The following IGF2R variants were observed in gnomAD, a reference collection of about 807,000 sequenced individuals.
IGF2R encodes the protein cation-independent mannose-6-phosphate receptor.
In IGF2R, 91 loss-of-function variants were observed where a neutral mutation model predicts 270.6. That is an observed-to-expected ratio of 0.34 (90% confidence interval 0.28 to 0.40). The LOEUF is 0.40. Among genes scored for constraint, IGF2R ranks in the 10% least tolerant of loss-of-function variants. IGF2R has a pLI of 1.00. For synonymous variants in IGF2R, 1,316 were observed against 1,258.9 expected, an observed-to-expected ratio of 1.05 and a Z score of -0.96; for missense variants, 2,805 against 3,188.3, an observed-to-expected ratio of 0.88 and a Z score of 2.90.
chr6:160,085,724 C>T (rs189077146), intron 41 of IGF2R, among the ~76,000 whole-genome samples: 172 of 152,272 alleles, frequency 1.1e-3, no homozygotes, highest in Non-Finnish European at 2.0e-3. Flanking sequence ...TGGGGTTTCC[C>T]GAGTTGTCCT....
rs2115251165 is a variant in IGF2R at position 160,050,217 on chromosome 6, A to G, written c.2515-256A>G. On this transcript the variant is annotated intron_variant, in intron 18 of 47. Transcript: ENST00000356956. The surrounding 1 kb of genome is among the most constrained non-coding windows in gnomAD (Gnocchi z 4.0). ...GGGGATGTGACTAGTATCTAGTGCT[A>G]TGTGACTTTCAGTTACAGGCCAGCA... Among the ~76,000 whole-genome samples the G allele has an allele frequency of 6.6e-6, 1 of 152,300 alleles. No individual in the cohort carries two copies. Among genetic ancestry groups the G allele is most frequent in the Non-Finnish European group, 1.5e-5 (1 of 68,030 alleles).
chr6:160,066,370 G>A (rs753661169), intron 29 of IGF2R, among the ~76,000 whole-genome samples: 33 of 152,088 alleles, frequency 2.2e-4, no homozygotes, highest in Non-Finnish European at 4.1e-4. Flanking sequence ...GGCTGGTCTT[G>A]AACTGCTGAC....
intron 45 of IGF2R, among the ~76,000 whole-genome samples, chr6:160,101,472 T>C (rs1480662066): frequency 6.6e-6 from 1 of 152,190 alleles, no homozygotes; most frequent in African/African-American, 2.4e-5. Flanking sequence ...TGGTTTCTTG[T>C]CTTGCTGATG....
chr6:160,042,997 C>A, intron 11 of IGF2R, 151 bp from the exon 12 acceptor site: 1 of 724,096 alleles, frequency 1.4e-6, no homozygotes, highest in Non-Finnish European at 2.2e-6. Flanking sequence ...TGCTTTCAGT[C>A]TGCCCGGGTT....
At chr6:160,049,004 C>T (rs1778134359) in intron 18 of IGF2R, among the ~76,000 whole-genome samples, 1 of 152,170 alleles carries the variant, frequency 6.6e-6, no homozygotes, top group Admixed American at 6.5e-5. Context: ...CAGTCACCGC[C>T]AGAACATTTA....
intron 1 of IGF2R, among the ~76,000 whole-genome samples, chr6:159,972,591 G>A (rs1562327839): frequency 6.6e-6 from 1 of 152,122 alleles, no homozygotes; most frequent in Non-Finnish European, 1.5e-5. Context: ...ATCTGCAGTC[G>A]CTTAGACCCA....
chr6:160,050,449 C>T lies in IGF2R; in HGVS notation c.2515-24C>T, dbSNP rs899004927. ...CGACTGTATCTTCAGGGGGAAAAGC[C>T]TAACAAGACTGGTTTTCTTGCAGGG... On this transcript the variant is annotated intron_variant, in intron 18 of 47. Coordinates refer to ENST00000356956, the MANE Select transcript of IGF2R (RefSeq NM_000876.4). The surrounding 1 kb of genome is among the most constrained non-coding windows in gnomAD (Gnocchi z 4.0). 5.0e-6 allele frequency: 8 copies of T among 1,595,224 alleles called. No individual in the cohort carries two copies. The highest frequency in any genetic ancestry group is 6.9e-6 in the Non-Finnish European group (8 of 1,166,046).
chr6:160,034,792 T>C (rs1256122331), intron 10 of IGF2R, among the ~76,000 whole-genome samples: 1 of 152,188 alleles, frequency 6.6e-6, no homozygotes, highest in African/African-American at 2.4e-5. Context: ...AATGAGCTTG[T>C]TGGGAAAGTT....
chr6:160,012,304 A>G (rs1234285503), intron 4 of IGF2R, among the ~76,000 whole-genome samples: 1 of 152,142 alleles, frequency 6.6e-6, no homozygotes, highest in Non-Finnish European at 1.5e-5. Context: ...TTTGGGGGTG[A>G]GGGTGGGAGC....
chr6:160,076,083 A>G, intron 36 of IGF2R, 87 bp downstream of exon 36: 1 of 1,269,616 alleles, frequency 7.9e-7, no homozygotes, highest in Non-Finnish European at 1.1e-6. Context: ...GTCAGGTCCA[A>G]GGATACTCTT....
At position 160,061,948 on chromosome 6, in the gene IGF2R, A is replaced by G. The variant is rs752772006; in HGVS notation, c.3582+20A>G. 99 of 1,610,034 alleles carry G rather than the reference A, an allele frequency of 6.1e-5. No homozygotes were observed. Among genetic ancestry groups the G allele is most frequent in the Admixed American group, 1.3e-4 (8 of 59,948 alleles). ...ATATCGGTGTGTGTTCAGACCAGCA[A>G]TGAGATGTTGTCCCCGGGTGACTCC... On this transcript the variant is annotated intron_variant, in intron 25 of 47. Coordinates refer to ENST00000356956, the MANE Select transcript of IGF2R (RefSeq NM_000876.4).
intron 28 of IGF2R, 82 bp from the exon 29 acceptor site, chr6:160,064,722 A>G: frequency 1.7e-6 from 2 of 1,150,920 alleles, no homozygotes; most frequent in Non-Finnish European, 2.6e-6. Flanking sequence ...ACCATTCTTT[A>G]CTATTTTCAT....
At chr6:160,022,640 G>A (rs1347385182) in intron 4 of IGF2R, among the ~76,000 whole-genome samples, 4 of 152,194 alleles carry the variant, frequency 2.6e-5, no homozygotes, top group Admixed American at 1.3e-4. Context: ...TCTTTAGCCT[G>A]CAGTGACAAA....
chr6:160,053,883 T>G (rs945806997), intron 19 of IGF2R, among the ~76,000 whole-genome samples: 1 of 152,086 alleles, frequency 6.6e-6, no homozygotes, highest in East Asian at 1.9e-4. Context: ...ATCAAAATGG[T>G]TTTTAAATTT....
At chr6:160,086,191 G>A (rs1280200843) in intron 41 of IGF2R, among the ~76,000 whole-genome samples, 1 of 152,206 alleles carries the variant, frequency 6.6e-6, no homozygotes, top group Admixed American at 6.5e-5. Context: ...TGACCTGCAG[G>A]CCACCTCCAT....
chr6:160,012,022 A>C (rs1249094804), intron 4 of IGF2R, among the ~76,000 whole-genome samples: 1 of 152,250 alleles, frequency 6.6e-6, no homozygotes, highest in Non-Finnish European at 1.5e-5. Flanking sequence ...AATTCAGATT[A>C]AATTATGAAC....
At chr6:160,048,914 C>G (rs1193838197) in intron 18 of IGF2R, among the ~76,000 whole-genome samples, 1 of 152,162 alleles carries the variant, frequency 6.6e-6, no homozygotes, top group Non-Finnish European at 1.5e-5. Context: ...GGGGGAAAAA[C>G]CGATTTGGGA....
chr6:160,059,051 C>T lies in IGF2R; in HGVS notation c.3044C>T (p.Thr1015Ile). ...ATTGAGAAAAGCCTCCAGCTGTCCA[C>T]AGAGGGCTTCATCACTCTGACCTAC... ...VGIEKSLQLS[T>I]EGFITLTYKG... The change falls in exon 22 of 48, where the codon ACA becomes ATA. Residue 1015 changes from threonine to isoleucine, a missense_variant. Thr to Ile is a moderately conservative substitution (Grantham distance 89, BLOSUM62 -1). Around this residue, in one of 2 missense-constraint regions of IGF2R, gnomAD observed 1,851 missense variants for 2,207.2 expected, o/e 0.84. Transcript: ENST00000356956. 1 of 1,614,246 alleles carries T rather than the reference C, an allele frequency of 6.2e-7. No individual in the cohort carries two copies. The highest frequency in any genetic ancestry group is 1.1e-5 in the South Asian group (1 of 91,090).
In IGF2R at chr6:160,089,115, T is replaced by C. The variant is rs141062691; in HGVS notation, c.6329T>C (p.Ile2110Thr). 4.0e-4 allele frequency: 644 copies of C among 1,613,050 alleles called. No individual in the cohort carries two copies. The highest frequency in any genetic ancestry group is 5.0e-4 in the Non-Finnish European group (592 of 1,179,420). ...VGRPAFKRFD[I>T]DSCTYYFSWD... ...TGCTTCCCTCCTCCTAGGTTTGATA[T>C]CGACAGCTGCACTTACTACTTCAGC... Residue 2110 changes from isoleucine to threonine, a missense_variant, in exon 43 of 48, where the codon ATC (isoleucine) becomes ACC (threonine). Physicochemically the swap from Ile to Thr is moderately conservative, Grantham distance 89 (BLOSUM62 -1). Transcript: ENST00000356956.
Sources: gnomAD v4.1 joint callset for allele counts (sites outside exome capture counted in the v4.1 genomes callset) on GRCh38, gnomAD v4.1.1 for gene constraint, gnomAD v4.1.1 regional missense constraint, Gnocchi (gnomAD v3.1) non-coding constraint, MANE v1.5 for transcripts, NCBI Gene and HGNC (gene_info 2026-07-23, HGNC 2026-07-21) for gene names.